SYNE1: variants seen among roughly 807,000 people sequenced by gnomAD.
SYNE1 encodes the protein spectrin repeat containing nuclear envelope protein 1, also known as nesprin-1.
In SYNE1, 616 loss-of-function variants were observed where a neutral mutation model predicts 1,111.0. The observed-to-expected ratio is 0.55, with a 90% CI of 0.52 to 0.59. The LOEUF is 0.59. Among genes scored for constraint, SYNE1 ranks in the 20% least tolerant of loss-of-function variants. The pLI is 0.00. For synonymous variants in SYNE1, 3,855 were observed against 3,825.8 expected (o/e 1.01, Z -0.28); for missense variants, 10,006 against 10,417.0 (o/e 0.96, Z 1.72).
intron 20 of SYNE1, 122 bp from the exon 21 acceptor site, chr6:152,461,862 C>T (rs2098736035): frequency 1.1e-5 from 14 of 1,275,568 alleles, no homozygotes; most frequent in Non-Finnish European, 1.5e-5. Flanking sequence ...TTACACTAAA[C>T]TTTCGACGAT....
intron 128 of SYNE1, among the ~76,000 whole-genome samples, chr6:152,184,171 C>T (rs2153214397): frequency 6.6e-6 from 1 of 152,300 alleles, no homozygotes; most frequent in South Asian, 2.1e-4. Flanking sequence ...CGCACTGGCT[C>T]ACGCCTATTA....
Position 152,151,048 on chromosome 6 carries a change from C to G in SYNE1, c.24450+505G>C, listed in dbSNP as rs553149090. Among the ~76,000 whole-genome samples the G allele has an allele frequency of 8.5e-5, 13 of 152,124 alleles. No individual in the cohort carries two copies. The South Asian group carries it at 1.0e-3, about 12-fold the overall frequency. On this transcript the variant is annotated intron_variant, in intron 135 of 145. Coordinates refer to ENST00000367255, the MANE Select transcript of SYNE1 (RefSeq NM_182961.4). ...CCAGCATAGTGAAACCCCATCTTTA[C>G]TAAAAAAATACAAAAATACAAAAAT...
Position 152,626,739 on chromosome 6 carries a change from G to C in SYNE1, c.67+1526C>G, listed in dbSNP as rs148905062. Among the ~76,000 whole-genome samples, 242 of 152,324 alleles carry C rather than the reference G, an allele frequency of 1.6e-3. 1 individual carries two copies. The highest frequency in any genetic ancestry group is 5.7e-3 in the African/African-American group (235 of 41,570). On this transcript the variant is annotated intron_variant, in intron 3 of 145. Transcript: ENST00000367255. ...AACCAGTCCAGGCAGATAAACACGA[G>C]TGGGGGGTCACTTGAACACAGAAGC...
intron 3 of SYNE1, among the ~76,000 whole-genome samples, chr6:152,625,929 G>T (rs184420215): frequency 1.3e-5 from 2 of 152,226 alleles, no homozygotes; most frequent in Admixed American, 6.5e-5. Context: ...TCTGAGAGGG[G>T]CTAAGCAGAT....
In SYNE1 at chr6:152,252,116, T is replaced by C. The variant is rs1479467533; in HGVS notation, c.19470+2764A>G. Among the ~76,000 whole-genome samples, 6 of 151,936 alleles carry C rather than the reference T, an allele frequency of 3.9e-5. No individual in the cohort carries two copies. In the South Asian group the frequency reaches 6.2e-4, roughly 16 times the overall value. ...GTGAAAGCCCATCTCTACTTAAAAA[T>C]ACAAAAATTAGCTGGGCATGGCGTG... On this transcript the variant is annotated intron_variant, in intron 104 of 145. Transcript: ENST00000367255.
In SYNE1 at chr6:152,234,040, C is replaced by T. The variant is rs1366845684; in HGVS notation, c.20530-77G>A. 4.8e-6 allele frequency: 7 copies of T among 1,457,658 alleles called. No individual in the cohort carries two copies. In the Admixed American group the frequency reaches 1.3e-4, roughly 26 times the overall value. 90.3% of individuals were successfully genotyped at this position (1,457,658 alleles called of 1,614,324 possible). A position where few individuals can be genotyped will look rare whatever the true frequency, so the allele number is the denominator to read the frequency against. ...TAAAAGGAAAGCGACCAATTTAGTG[C>T]ATGAAACAATTTCCTTTACATCCTG... is the stretch of plus-strand genomic sequence containing the variant. On this transcript the variant is annotated intron_variant, in intron 111 of 145. Coordinates refer to ENST00000367255, the MANE Select transcript of SYNE1 (RefSeq NM_182961.4).
Position 152,182,850 on chromosome 6 carries a change from A to G in SYNE1, c.23302-2556T>C, listed in dbSNP as rs889677704. ...ATGAGAAATTTATTCTTTTGATTCA[A>G]TTATGATCTTTTAAAGTAAAAGTTT... On this transcript the variant is annotated intron_variant, in intron 128 of 145. Transcript: ENST00000367255. Among the ~76,000 whole-genome samples, 3 of 152,310 alleles carry G rather than the reference A, an allele frequency of 2.0e-5. No individual in the cohort carries two copies. In the East Asian group the frequency reaches 5.8e-4, roughly 29 times the overall value.
At chr6:152,389,182 C>G (rs990886340) in intron 53 of SYNE1, among the ~76,000 whole-genome samples, 1 of 152,108 alleles carries the variant, frequency 6.6e-6, no homozygotes, top group Non-Finnish European at 1.5e-5. Context: ...TTGTAATGAA[C>G]TTGAATTTTC....
intron 3 of SYNE1, among the ~76,000 whole-genome samples, chr6:152,545,561 C>T (rs986672843): frequency 6.6e-5 from 10 of 152,126 alleles, no homozygotes; most frequent in African/African-American, 2.4e-4. Flanking sequence ...GCCTGGGTGA[C>T]AGAGTAAAAT....
rs148410308 is a variant in SYNE1, at chr6:152,400,754, A to T, written c.7029+384T>A. On this transcript the variant is annotated intron_variant, in intron 47 of 145. Coordinates refer to ENST00000367255, the MANE Select transcript of SYNE1 (RefSeq NM_182961.4). ...AAATATACATTATCTGGATGAAAGA[A>T]GTCACAGTGACCAATAAATATAATT... Among the ~76,000 whole-genome samples, 228 of 152,342 alleles carry T rather than the reference A, an allele frequency of 1.5e-3. 1 individual carries two copies. Among genetic ancestry groups the T allele is most frequent in the African/African-American group, 5.3e-3 (220 of 41,578 alleles).
Position 152,367,266 on chromosome 6 carries a change from G to C in SYNE1, c.9924C>G (p.His3308Gln), listed in dbSNP as rs1305579768. The C allele has an allele frequency of 6.2e-7, 1 of 1,614,100 alleles. No individual in the cohort carries two copies. The highest frequency in any genetic ancestry group is 8.5e-7 in the Non-Finnish European group (1 of 1,180,044). Residue 3308 changes from histidine (H) to glutamine (Q), a missense_variant, in exon 62 of 146, where the codon CAC becomes CAG. Physicochemically the swap from His to Gln is conservative, Grantham distance 24 (BLOSUM62 0). Around this residue, in one of 7 missense-constraint regions of SYNE1, gnomAD observed 4,955 missense variants for 5,017.2 expected, o/e 0.99. Coordinates refer to ENST00000367255, the MANE Select transcript of SYNE1 (RefSeq NM_182961.4). ...DAIHMLDSYC[H>Q]PTSDKSVLDS... is the part of the protein sequence containing the mutation. ...CCAGCACACTTTTGTCGGATGTCGGGTGGCAGTATGAATCCAGCATGTGAA... is the reference window on the plus strand; with the variant it reads ...CCAGCACACTTTTGTCGGATGTCGGCTGGCAGTATGAATCCAGCATGTGAA...
intron 128 of SYNE1, among the ~76,000 whole-genome samples, chr6:152,186,849 G>A (rs1159714424): frequency 1.3e-5 from 2 of 152,138 alleles, no homozygotes; most frequent in Non-Finnish European, 2.9e-5. Context: ...AAGAAAAACA[G>A]ATGAATGGGC....
rs118178726 is a variant in SYNE1 at position 152,510,610 on chromosome 6, C to T, written c.403-239G>A. On this transcript the variant is annotated intron_variant, in intron 7 of 145. Coordinates refer to ENST00000367255, the MANE Select transcript of SYNE1 (RefSeq NM_182961.4). ...TAGAATACATGAATGAATTAATCAACTAAAACCTAATGGTTAGAACAATTA... is the reference window on the plus strand; with the variant it reads ...TAGAATACATGAATGAATTAATCAATTAAAACCTAATGGTTAGAACAATTA... 5.5e-4 allele frequency among the ~76,000 whole-genome samples: 84 copies of T among 152,230 alleles called. 1 individual carries two copies. The East Asian group carries it at 0.015, about 27-fold the overall frequency.
At chr6:152,147,939 T>C (rs2059801758) in intron 137 of SYNE1, 106 bp downstream of exon 137, 1 of 1,039,004 alleles carries the variant, frequency 9.6e-7, no homozygotes, top group Middle Eastern at 2.0e-4. Context: ...TTTCCCCGCA[T>C]GAAAGAAGGA....
At chr6:152,557,175 T>G (rs1461199012) in intron 3 of SYNE1, among the ~76,000 whole-genome samples, 1 of 151,652 alleles carries the variant, frequency 6.6e-6, no homozygotes, top group East Asian at 1.9e-4. Context: ...TGAAAAAAAT[T>G]GCATAGACAG....
intron 3 of SYNE1, among the ~76,000 whole-genome samples, chr6:152,584,310 A>G (rs1053219230): frequency 2.0e-5 from 3 of 152,180 alleles, no homozygotes; most frequent in East Asian, 1.9e-4. Context: ...ATCATACTAT[A>G]CTTTAACTTT....
At position 152,151,593 on chromosome 6, in the gene SYNE1, A is replaced by T; in HGVS notation, c.24410T>A (p.Phe8137Tyr). ...TTTAGCTTGAACATCACACTCAGAAAAATGTTCAATATTAGTGAGCTGCAG... is the reference window on the plus strand; with the variant it reads ...TTTAGCTTGAACATCACACTCAGAATAATGTTCAATATTAGTGAGCTGCAG... ...MDLQLTNIEHFSECDVQAKIK... is the reference protein window; with the variant it reads ...MDLQLTNIEHYSECDVQAKIK... Residue 8137 changes from phenylalanine to tyrosine, a missense_variant, in exon 135 of 146, where the codon TTT (phenylalanine) becomes TAT (tyrosine). Physicochemically the swap from Phe to Tyr is conservative, Grantham distance 22. Transcript: ENST00000367255. 1 of 1,614,168 alleles carries T rather than the reference A, an allele frequency of 6.2e-7. No homozygotes were observed. The highest frequency in any genetic ancestry group is 1.7e-5 in the Admixed American group (1 of 60,022).
chr6:152,400,397 C>T (rs1290812877), intron 47 of SYNE1, among the ~76,000 whole-genome samples: 1 of 152,194 alleles, frequency 6.6e-6, no homozygotes. Context: ...GGTGTGGTGG[C>T]TCACACCTGT....
chr6:152,412,085 T>C (rs1218950087), intron 42 of SYNE1, among the ~76,000 whole-genome samples: 1 of 152,066 alleles, frequency 6.6e-6, no homozygotes, highest in East Asian at 1.9e-4. Flanking sequence ...AGTAAATGAA[T>C]AAACTGTAGT....
Sources: allele counts gnomAD v4.1 joint callset (sites outside exome capture counted in the v4.1 genomes callset), GRCh38; gene constraint gnomAD v4.1.1; regional missense constraint gnomAD v4.1.1; transcripts MANE v1.5; gene names NCBI Gene and HGNC (gene_info 2026-07-23, HGNC 2026-07-21).